FHOD3: variants seen among roughly 807,000 people sequenced by gnomAD.
FHOD3 encodes formin homology 2 domain containing 3.
Under a neutral mutation model 173.0 loss-of-function variants are expected in FHOD3, and 90 were observed. The observed-to-expected ratio is 0.52, with a 90% CI of 0.44 to 0.62. FHOD3 has a LOEUF of 0.62. Among genes scored for constraint, FHOD3 ranks in the 20% least tolerant of loss-of-function variants. FHOD3 has a pLI of 0.00. For synonymous variants in FHOD3, 828 were observed against 823.0 expected (o/e 1.01, Z -0.10); for missense variants, 1,945 against 2,034.7 (o/e 0.96, Z 0.85).
chr18:36,446,261 G>C (rs778209639), intron 3 of FHOD3, among the ~76,000 whole-genome samples: 7 of 152,142 alleles, frequency 4.6e-5, no homozygotes, highest in Non-Finnish European at 1.0e-4. Flanking sequence ...GTGCATAAGG[G>C]CCCTGGGGGC....
intron 20 of FHOD3, among the ~76,000 whole-genome samples, chr18:36,738,948 A>G (rs970103214): frequency 2.0e-5 from 3 of 152,074 alleles, no homozygotes; most frequent in African/African-American, 4.8e-5. Flanking sequence ...GCTTGTCTCT[A>G]TGAGGTAGGA....
intron 2 of FHOD3, among the ~76,000 whole-genome samples, chr18:36,368,681 T>C (rs1406385562): frequency 6.6e-6 from 1 of 152,072 alleles, no homozygotes; most frequent in African/African-American, 2.4e-5. Context: ...AGGAAAGAGG[T>C]TTAATTGACT....
chr18:36,593,851 T>C (rs559818077), intron 6 of FHOD3, among the ~76,000 whole-genome samples: 1 of 152,184 alleles, frequency 6.6e-6, no homozygotes, highest in Non-Finnish European at 1.5e-5. Context: ...ATGGGGCCAC[T>C]GACAAGCCAG....
intron 20 of FHOD3, among the ~76,000 whole-genome samples, chr18:36,734,067 C>G (rs1449361819): frequency 6.6e-6 from 1 of 152,138 alleles, no homozygotes; most frequent in Non-Finnish European, 1.5e-5. Flanking sequence ...CAGCGCAGCC[C>G]TCTTCACTGT....
rs142120450 is a variant in FHOD3 at position 36,385,420 on chromosome 18, A to G, written c.337+12676A>G. ...GTTTTGTTTTGTTTTTTCTTGAGAC[A>G]GAGTCTTGCTCTGTTGCCCAGGCTG... On this transcript the variant is annotated intron_variant, in intron 3 of 28. Transcript: ENST00000590592. Among the ~76,000 whole-genome samples the G allele has an allele frequency of 8.5e-4, 130 of 152,214 alleles. 1 individual carries two copies. The East Asian group carries it at 0.02, about 23-fold the overall frequency.
At chr18:36,535,413 G>C (rs1019234387) in intron 5 of FHOD3, among the ~76,000 whole-genome samples, 9 of 152,166 alleles carry the variant, frequency 5.9e-5, no homozygotes, top group Non-Finnish European at 1.0e-4. Context: ...TCACTTCCTA[G>C]TTTCTTATGC....
At chr18:36,416,411 G>A (rs1339125558) in intron 3 of FHOD3, among the ~76,000 whole-genome samples, 3 of 152,192 alleles carry the variant, frequency 2.0e-5, no homozygotes, top group African/African-American at 7.2e-5. Context: ...AGTGTGATGA[G>A]TCCGTAAGGT....
chr18:36,774,456 C>G (rs983394078), intron 28 of FHOD3, among the ~76,000 whole-genome samples: 1 of 152,168 alleles, frequency 6.6e-6, no homozygotes, highest in African/African-American at 2.4e-5. Flanking sequence ...CCTTTTCCTG[C>G]ATCTCAGATG....
At chr18:36,724,785 G>A (rs1218340244) in intron 19 of FHOD3, among the ~76,000 whole-genome samples, 1 of 152,182 alleles carries the variant, frequency 6.6e-6, no homozygotes, top group Non-Finnish European at 1.5e-5. Context: ...CTTTTCTCCG[G>A]AGACTGTCTT....
At chr18:36,452,041 C>G (rs1339410147) in intron 3 of FHOD3, among the ~76,000 whole-genome samples, 1 of 152,148 alleles carries the variant, frequency 6.6e-6, no homozygotes, top group Non-Finnish European at 1.5e-5. Flanking sequence ...CAAGTTCTTT[C>G]AAGCTGGGCT....
chr18:36,307,915 A>T (rs557855374), intron 1 of FHOD3, among the ~76,000 whole-genome samples: 1 of 152,340 alleles, frequency 6.6e-6, no homozygotes, highest in East Asian at 1.9e-4. Flanking sequence ...CCAGAATTTT[A>T]ACATCTATTC....
intron 20 of FHOD3, among the ~76,000 whole-genome samples, chr18:36,739,035 A>C (rs1223395264): frequency 6.6e-6 from 1 of 152,178 alleles, no homozygotes; most frequent in African/African-American, 2.4e-5. Context: ...AAAGCAAAAA[A>C]ACTGACAAAA....
At chr18:36,711,603 G>A (rs188893852) in intron 18 of FHOD3, 5 of 152,304 alleles carry the variant, frequency 3.3e-5, no homozygotes, top group Admixed American at 2.0e-4. Flanking sequence ...ATGAAGAGGC[G>A]TCTGGCTAAG....
At chr18:36,426,199 C>T (rs1021053923) in intron 3 of FHOD3, among the ~76,000 whole-genome samples, 10 of 152,068 alleles carry the variant, frequency 6.6e-5, no homozygotes, top group Admixed American at 5.2e-4. Flanking sequence ...CCACCGCGCC[C>T]GGCCTTCACA....
intron 1 of FHOD3, among the ~76,000 whole-genome samples, chr18:36,318,043 G>A (rs2044212289): frequency 6.6e-6 from 1 of 152,264 alleles, no homozygotes; most frequent in African/African-American, 2.4e-5. Flanking sequence ...TAGATGTGTG[G>A]TGTTATTTCT....
At position 36,398,499 on chromosome 18, in the gene FHOD3, C is replaced by T. The variant is rs117655337; in HGVS notation, c.337+25755C>T. Among the ~76,000 whole-genome samples, 109 of 152,236 alleles carry T rather than the reference C, an allele frequency of 7.2e-4. No individual in the cohort carries two copies. The East Asian group carries it at 0.019, about 26-fold the overall frequency. On this transcript the variant is annotated intron_variant, in intron 3 of 28. Coordinates refer to ENST00000590592, the MANE Select transcript of FHOD3 (RefSeq NM_001281740.3). ...ACTGTTTTTTTCAGAAAGAAAATGC[C>T]GGCACTCAGTACTGGTTAGGATTCC... is the stretch of plus-strand genomic sequence containing the variant.
At chr18:36,771,678 C>T (rs503463) in intron 28 of FHOD3, among the ~76,000 whole-genome samples, 1,893 of 152,308 alleles carry the variant, frequency 0.012, 27 homozygotes, top group African/African-American at 0.04. Context: ...CAGGAACCTG[C>T]GCACCAGTTA....
intron 3 of FHOD3, among the ~76,000 whole-genome samples, chr18:36,487,885 A>C (rs2145693591): frequency 6.6e-6 from 1 of 152,348 alleles, no homozygotes; most frequent in East Asian, 1.9e-4. Flanking sequence ...CGGAGGATCC[A>C]CACACAGCTT....
chr18:36,700,665 A>G (rs1452018040), intron 17 of FHOD3, among the ~76,000 whole-genome samples: 3 of 152,060 alleles, frequency 2.0e-5, no homozygotes, highest in Non-Finnish European at 2.9e-5. Context: ...CAGCAACCCA[A>G]TTTAAAAAAA....
Sources: gnomAD v4.1 joint callset for allele counts (sites outside exome capture counted in the v4.1 genomes callset) on GRCh38, gnomAD v4.1.1 for gene constraint, MANE v1.5 for transcripts, NCBI Gene and HGNC (gene_info 2026-07-23, HGNC 2026-07-21) for gene names.